Variants in ITGBL1 observed in about 807,000 individuals in gnomAD.
ITGBL1 encodes the protein integrin subunit beta like 1, also known as integrin beta-like protein 1.
Under a neutral mutation model 68.5 loss-of-function variants are expected in ITGBL1, and 51 were observed. That is an observed-to-expected ratio of 0.74 (90% confidence interval 0.59 to 0.94). ITGBL1 has a LOEUF of 0.94. ITGBL1 is among the 40% of genes least tolerant of loss of function. The pLI, the probability that ITGBL1 is intolerant of heterozygous loss-of-function variation, is 0.00. For synonymous variants in ITGBL1, 209 were observed against 227.3 expected, an observed-to-expected ratio of 0.92 and a Z score of 0.72; for missense variants, 649 against 647.4, an observed-to-expected ratio of 1.00 and a Z score of -0.03.
chr13:101,670,252 C>T (rs974860576), intron 7 of ITGBL1, among the ~76,000 whole-genome samples: 7 of 152,130 alleles, frequency 4.6e-5, no homozygotes, highest in African/African-American at 1.2e-4. Context: ...CTCATAACCT[C>T]GGGCAGACAA....
At chr13:101,601,948 T>A (rs1485241368) in intron 7 of ITGBL1, among the ~76,000 whole-genome samples, 1 of 152,026 alleles carries the variant, frequency 6.6e-6, no homozygotes, top group East Asian at 1.9e-4. Flanking sequence ...GGGCTATTAG[T>A]CTTTTTAGAA....
intron 2 of ITGBL1, among the ~76,000 whole-genome samples, chr13:101,496,215 A>G (rs1225077542): frequency 6.6e-6 from 1 of 152,178 alleles, no homozygotes; most frequent in Non-Finnish European, 1.5e-5. Context: ...AATCCAATGT[A>G]ATCTAGAGGT....
intron 2 of ITGBL1, among the ~76,000 whole-genome samples, chr13:101,542,310 T>C (rs1055967591): frequency 6.6e-6 from 1 of 152,378 alleles, no homozygotes; most frequent in African/African-American, 2.4e-5. Context: ...CATTTCGTGA[T>C]GTACCCAGTA....
At chr13:101,709,145 C>A (rs914337897) in intron 9 of ITGBL1, among the ~76,000 whole-genome samples, 10 of 150,940 alleles carry the variant, frequency 6.6e-5, no homozygotes, top group Non-Finnish European at 3.0e-5. Flanking sequence ...GCGGGTGGAT[C>A]ATGAGGTCAG....
chr13:101,488,496 C>T (rs1481280913), intron 2 of ITGBL1, among the ~76,000 whole-genome samples: 1 of 152,172 alleles, frequency 6.6e-6, no homozygotes. Context: ...TTCCTGGTCA[C>T]AGGCTTTGAA....
rs1169863578 is a variant in ITGBL1 at position 101,687,543 on chromosome 13, TA to T, written c.1016-5038del. On this transcript the variant is annotated intron_variant, in intron 7 of 10. Transcript: ENST00000376180. ...GTCTGAACTTGTTTGAATTTTTAAG[TA>T]AAATCTATTTTGATCGGAACTTCTA... 2.0e-5 allele frequency among the ~76,000 whole-genome samples: 3 copies of T among 152,238 alleles called. No homozygotes were observed. In the East Asian group the frequency reaches 5.8e-4, roughly 29 times the overall value.
chr13:101,593,016 A>T (rs1020464493), intron 6 of ITGBL1, among the ~76,000 whole-genome samples: 2 of 152,134 alleles, frequency 1.3e-5, no homozygotes, highest in African/African-American at 4.8e-5. Context: ...CAAACTATAT[A>T]TCTGACAAAG....
At chr13:101,700,525 T>A (rs996236094) in intron 8 of ITGBL1, among the ~76,000 whole-genome samples, 7 of 152,248 alleles carry the variant, frequency 4.6e-5, no homozygotes, top group African/African-American at 1.7e-4. Context: ...CCCACCTAGT[T>A]GCCAAATGAG....
intron 6 of ITGBL1, among the ~76,000 whole-genome samples, chr13:101,590,881 G>C (rs1012720010): frequency 2.0e-5 from 3 of 152,042 alleles, no homozygotes; most frequent in Non-Finnish European, 2.9e-5. Flanking sequence ...ATGAGGGCTG[G>C]AAATAAAGAA....
intron 7 of ITGBL1, among the ~76,000 whole-genome samples, chr13:101,640,683 CTG>C (rs901882088): frequency 2.6e-5 from 4 of 152,104 alleles, no homozygotes; most frequent in African/African-American, 9.7e-5. Flanking sequence ...CATGGGTACA[CTG>C]TGTGATGTCA....
chr13:101,641,180 T>C (rs2139429878), intron 7 of ITGBL1, among the ~76,000 whole-genome samples: 1 of 152,292 alleles, frequency 6.6e-6, no homozygotes, highest in South Asian at 2.1e-4. Flanking sequence ...AGTTCTATCA[T>C]GGCTGACATA....
chr13:101,698,420 G>A (rs2034052719), intron 8 of ITGBL1, among the ~76,000 whole-genome samples: 1 of 152,172 alleles, frequency 6.6e-6, no homozygotes, highest in Non-Finnish European at 1.5e-5. Flanking sequence ...TGTACCTGAA[G>A]GTGAATGTAA....
chr13:101,708,361 C>T (rs2034309737), intron 9 of ITGBL1, among the ~76,000 whole-genome samples: 1 of 152,132 alleles, frequency 6.6e-6, no homozygotes, highest in Admixed American at 6.5e-5. Context: ...CTTTACACCA[C>T]AGACACACTT....
chr13:101,638,677 C>G (rs1044480583), intron 7 of ITGBL1, among the ~76,000 whole-genome samples: 1 of 152,112 alleles, frequency 6.6e-6, no homozygotes. Flanking sequence ...GATTTATTCA[C>G]TACCATGAGA....
At chr13:101,543,595 A>G (rs2049755148) in intron 2 of ITGBL1, among the ~76,000 whole-genome samples, 1 of 152,000 alleles carries the variant, frequency 6.6e-6, no homozygotes, top group South Asian at 2.1e-4. Flanking sequence ...CTGAGTTTGA[A>G]TGTTGGCCTG....
At chr13:101,548,767 T>C (rs1297803071) in intron 2 of ITGBL1, among the ~76,000 whole-genome samples, 1 of 151,840 alleles carries the variant, frequency 6.6e-6, no homozygotes. Flanking sequence ...AATAAGAGAA[T>C]ATAGTAGACA....
chr13:101,459,382 A>T (rs1334550380), intron 2 of ITGBL1, among the ~76,000 whole-genome samples: 3 of 152,178 alleles, frequency 2.0e-5, no homozygotes, highest in African/African-American at 7.2e-5. Context: ...GCATGATTTT[A>T]TGTATGTATG....
At chr13:101,528,507 T>C (rs1271438048) in intron 2 of ITGBL1, among the ~76,000 whole-genome samples, 2 of 151,932 alleles carry the variant, frequency 1.3e-5, no homozygotes, top group African/African-American at 4.8e-5. Context: ...AATTTATTTG[T>C]GCCATGTTGT....
At chr13:101,691,887 G>T (rs896414406) in intron 7 of ITGBL1, among the ~76,000 whole-genome samples, 1 of 152,178 alleles carries the variant, frequency 6.6e-6, no homozygotes, top group Non-Finnish European at 1.5e-5. Context: ...ATGATGTCAT[G>T]CAGGGAATGA....
Sources: gnomAD v4.1 joint callset for allele counts (sites outside exome capture counted in the v4.1 genomes callset) on GRCh38, gnomAD v4.1.1 for gene constraint, MANE v1.5 for transcripts, NCBI Gene and HGNC (gene_info 2026-07-23, HGNC 2026-07-21) for gene names.